The following METTL2B variants were observed in gnomAD, a reference collection of about 807,000 sequenced individuals.
METTL2B encodes tRNA N(3)-cytidine methyltransferase METTL2B.
Under a neutral mutation model 51.0 loss-of-function variants are expected in METTL2B, and 28 were observed. The observed-to-expected ratio is 0.55, with a 90% CI of 0.41 to 0.75. The LOEUF is 0.75. Among genes scored for constraint, METTL2B ranks in the 30% least tolerant of loss-of-function variants. METTL2B has a pLI of 0.00. For synonymous variants in METTL2B, 128 were observed against 166.3 expected, an observed-to-expected ratio of 0.77 and a Z score of 1.77; for missense variants, 313 against 460.7, an observed-to-expected ratio of 0.68 and a Z score of 2.93.
chr7:128,502,580 A>G lies in METTL2B; in HGVS notation c.*664A>G. 4.4e-6 allele frequency: 2 copies of G among 454,278 alleles called. No homozygotes were observed. Among genetic ancestry groups the G allele is most frequent in the Non-Finnish European group, 8.8e-6 (2 of 226,696 alleles). The allele number at this position is 454,278 out of a possible 1,614,324, so 28.1% of individuals were successfully genotyped here. On this transcript the variant is annotated 3_prime_UTR_variant, in exon 9 of 9. Transcript: ENST00000262432. ...AGCATCAAAATGTGGTGTTCTTGTT[A>G]AGTAATTGATCGTGGTCTTTGCTTT...
chr7:128,476,902 C>G (rs1799807062), intron 1 of METTL2B, 27 bp downstream of exon 1: 4 of 1,612,888 alleles, frequency 2.5e-6, no homozygotes, highest in Non-Finnish European at 3.4e-6. Flanking sequence ...CTCGCCCGGC[C>G]TGTCGCTGGC....
rs1218927376 is a variant in METTL2B, at chr7:128,506,025, C to T, written c.*4109C>T. On this transcript the variant is annotated 3_prime_UTR_variant, in exon 9 of 9. Coordinates refer to ENST00000262432, the MANE Select transcript of METTL2B (RefSeq NM_018396.3). ...ATTTTTTGTAGAGACAGGGTTTCAC[C>T]ATGTGTCCCAGGCTGGTCTTGAGCT... The T allele has an allele frequency of 1.3e-5, 2 of 152,134 alleles. No individual in the cohort carries two copies. The highest frequency in any genetic ancestry group is 4.8e-5 in the African/African-American group (2 of 41,412). 9.4% of individuals were successfully genotyped at this position (152,134 alleles called of 1,614,324 possible).
chr7:128,501,649 A>C (rs1793031912), intron 8 of METTL2B, 113 bp from the exon 9 acceptor site: 3 of 1,516,436 alleles, frequency 2.0e-6, no homozygotes, highest in Non-Finnish European at 2.6e-6. Context: ...CCAAATGGCC[A>C]TGTAAAAAAC....
At chr7:128,485,890 G>A (rs897545160) in intron 4 of METTL2B, among the ~76,000 whole-genome samples, 1 of 152,164 alleles carries the variant, frequency 6.6e-6, no homozygotes, top group Non-Finnish European at 1.5e-5. Flanking sequence ...ATGATTTAAT[G>A]TATGCAGGAG....
In METTL2B at chr7:128,480,641, C is replaced by T; in HGVS notation, c.559-6C>T. Reference sequence around the variant, plus strand: ...TCTGTGATTAATAGTTCATTTCTGTCTGCAGGTTGGCTGTGGTGTGGGAAA... The same window carrying T: ...TCTGTGATTAATAGTTCATTTCTGTTTGCAGGTTGGCTGTGGTGTGGGAAA... On this transcript the variant is annotated splice_region_variant and splice_polypyrimidine_tract_variant and intron_variant, in intron 3 of 8. Transcript: ENST00000262432. The T allele has an allele frequency of 6.2e-7, 1 of 1,602,644 alleles. No homozygotes were observed. The highest frequency in any genetic ancestry group is 8.5e-7 in the Non-Finnish European group (1 of 1,177,238).
chr7:128,501,993 A>G lies in METTL2B; in HGVS notation c.*77A>G. ...TAAAAAAAAATTTGTAGCACCGGGC[A>G]TGGTGCATGCCTGTAATCCCAGCCA... is the stretch of plus-strand genomic sequence containing the variant. On this transcript the variant is annotated 3_prime_UTR_variant, in exon 9 of 9. Transcript: ENST00000262432. 6.3e-7 allele frequency: 1 copy of G among 1,588,338 alleles called. No homozygotes were observed. Among genetic ancestry groups the G allele is most frequent in the Non-Finnish European group, 8.6e-7 (1 of 1,164,364 alleles).
Position 128,506,587 on chromosome 7 carries a change from A to G in METTL2B, c.*4671A>G, listed in dbSNP as rs1018773334. 6.6e-6 allele frequency: 1 copy of G among 152,204 alleles called. No individual in the cohort carries two copies. Among genetic ancestry groups the G allele is most frequent in the African/African-American group, 2.4e-5 (1 of 41,424 alleles). The allele number at this position is 152,204 out of a possible 1,614,324, so 9.4% of individuals were successfully genotyped here. A position where few individuals can be genotyped will look rare whatever the true frequency, so the allele number is the denominator to read the frequency against. Reference sequence around the variant, plus strand: ...CCTCAGTGCCACTTAAAAAATAAATACTGTCTCAACTATCAGTCTGGCTCT... The same window carrying G: ...CCTCAGTGCCACTTAAAAAATAAATGCTGTCTCAACTATCAGTCTGGCTCT... On this transcript the variant is annotated 3_prime_UTR_variant, in exon 9 of 9. Coordinates refer to ENST00000262432, the MANE Select transcript of METTL2B (RefSeq NM_018396.3).
rs577045734 is a variant in METTL2B at position 128,502,651 on chromosome 7, C to T, written c.*735C>T. The T allele has an allele frequency of 2.8e-4, 125 of 449,090 alleles. No individual in the cohort carries two copies. The highest frequency in any genetic ancestry group is 2.4e-3 in the African/African-American group (119 of 49,540). The allele number at this position is 449,090 out of a possible 1,614,324, so 27.8% of individuals were successfully genotyped here. ...CGGTGGCTCACACCTGTAATCCCAGCACTTTGGGAGGCCGAGGCGGGCAGA... is the reference window on the plus strand; with the variant it reads ...CGGTGGCTCACACCTGTAATCCCAGTACTTTGGGAGGCCGAGGCGGGCAGA... On this transcript the variant is annotated 3_prime_UTR_variant, in exon 9 of 9. Transcript: ENST00000262432.
intron 7 of METTL2B, among the ~76,000 whole-genome samples, chr7:128,499,597 C>G (rs1211981731): frequency 1.3e-5 from 2 of 150,052 alleles, no homozygotes; most frequent in African/African-American, 4.9e-5. Context: ...CGGCTCACTG[C>G]AACGTCTGTC....
At chr7:128,487,791 G>A (rs1243828408) in intron 4 of METTL2B, among the ~76,000 whole-genome samples, 1 of 149,578 alleles carries the variant, frequency 6.7e-6, no homozygotes, top group Non-Finnish European at 1.5e-5. Flanking sequence ...AAGAATTCTT[G>A]TGGTGCTATC....
rs569684286 is a variant in METTL2B at position 128,487,955 on chromosome 7, A to G, written c.609-146A>G. On this transcript the variant is annotated intron_variant, in intron 4 of 8. Coordinates refer to ENST00000262432, the MANE Select transcript of METTL2B (RefSeq NM_018396.3). ...TAATTCAAAAAGGATTTTAACCAAA[A>G]TGAAATATGTTGTGACTAATAGATA... The G allele has an allele frequency of 3.7e-5, 39 of 1,047,016 alleles. No homozygotes were observed. In the African/African-American group the frequency reaches 4.6e-4, roughly 12 times the overall value. 64.9% of individuals were successfully genotyped at this position (1,047,016 alleles called of 1,614,324 possible).
At chr7:128,482,818 G>A (rs1419033577) in intron 4 of METTL2B, among the ~76,000 whole-genome samples, 1 of 152,236 alleles carries the variant, frequency 6.6e-6, no homozygotes, top group Non-Finnish European at 1.5e-5. Flanking sequence ...ACAGGCGTGA[G>A]CCATGGCTCC....
intron 6 of METTL2B, among the ~76,000 whole-genome samples, chr7:128,495,869 G>T (rs1316374973): frequency 6.6e-6 from 1 of 152,164 alleles, no homozygotes; most frequent in Non-Finnish European, 1.5e-5. Flanking sequence ...GACAGCCTGG[G>T]GGTTGGCAAA....
At chr7:128,479,011 A>T in intron 2 of METTL2B, 147 bp from the exon 3 acceptor site, 1 of 849,058 alleles carries the variant, frequency 1.2e-6, no homozygotes, top group Non-Finnish European at 1.8e-6. Flanking sequence ...AAATGACCTC[A>T]GAAATGCCTT....
chr7:128,479,086 G>C (rs1001995485), intron 2 of METTL2B, 72 bp from the exon 3 acceptor site: 16 of 1,426,882 alleles, frequency 1.1e-5, no homozygotes, highest in Non-Finnish European at 1.5e-5. Context: ...TGGTAAAGCA[G>C]GATAATTGAC....
Position 128,501,790 on chromosome 7 carries a change from T to A in METTL2B, c.1011T>A (p.Ala337=). Residue 337 remains alanine (A), a synonymous_variant, in exon 9 of 9, where the codon GCT becomes GCA. Coordinates refer to ENST00000262432, the MANE Select transcript of METTL2B (RefSeq NM_018396.3). ...QEELDTLFTT[A]GLEKVQNLVD... is the part of the protein sequence containing the mutation. ...AACTGGACACGCTTTTCACCACTGCTGGACTGGAAAAAGTTCAGAATCTGG... is the reference window on the plus strand; with the variant it reads ...AACTGGACACGCTTTTCACCACTGCAGGACTGGAAAAAGTTCAGAATCTGG... The A allele has an allele frequency of 6.2e-7, 1 of 1,614,202 alleles. No homozygotes were observed. The highest frequency in any genetic ancestry group is 8.5e-7 in the Non-Finnish European group (1 of 1,180,042).
intron 6 of METTL2B, among the ~76,000 whole-genome samples, chr7:128,496,081 G>A (rs1792918329): frequency 6.6e-6 from 1 of 152,150 alleles, no homozygotes; most frequent in Non-Finnish European, 1.5e-5. Context: ...CAGAGTCCAA[G>A]GACCCCTTGC....
chr7:128,485,299 A>C (rs1792677768), intron 4 of METTL2B, among the ~76,000 whole-genome samples: 1 of 152,098 alleles, frequency 6.6e-6, no homozygotes, highest in Non-Finnish European at 1.5e-5. Flanking sequence ...TTGGAAGGCC[A>C]AGGAGATAGG....
chr7:128,488,519 T>G (rs903770827), intron 5 of METTL2B: 1 of 479,898 alleles, frequency 2.1e-6, no homozygotes. Context: ...GTGACGTTAC[T>G]GTTGTACTTG....
Sources: gnomAD v4.1 joint callset for allele counts (sites outside exome capture counted in the v4.1 genomes callset) on GRCh38, gnomAD v4.1.1 for gene constraint, MANE v1.5 for transcripts, NCBI Gene and HGNC (gene_info 2026-07-23, HGNC 2026-07-21) for gene names.